The following FOCAD variants were observed in gnomAD, a reference collection of about 807,000 sequenced individuals.
FOCAD encodes the protein focadhesin.
A neutral mutation model predicts 225.6 loss-of-function variants in FOCAD; 198 were observed. The ratio of observed to expected loss-of-function variants is 0.88; its 90% CI spans 0.78 to 0.99. The LOEUF (loss-of-function observed/expected upper bound fraction) is 0.99. Among genes scored for constraint, FOCAD ranks in the 50% least tolerant of loss-of-function variants. The probability of loss-of-function intolerance (pLI) is 0.00; values close to 1 mark genes in which losing one functional copy is unlikely to be tolerated. For missense variants in FOCAD, 2,713 were observed against 2,123.6 expected, an observed-to-expected ratio of 1.28 and a Z score of -5.46; for synonymous variants, 897 against 755.0, an observed-to-expected ratio of 1.19 and a Z score of -3.08.
At chr9:20,955,480 G>A (rs1289871177) in intron 35 of FOCAD, among the ~76,000 whole-genome samples, 1 of 149,298 alleles carries the variant, frequency 6.7e-6, no homozygotes, top group Non-Finnish European at 1.5e-5. Context: ...GATTCCCTCA[G>A]TTTTTAAATA....
intron 28 of FOCAD, among the ~76,000 whole-genome samples, chr9:20,939,559 A>G (rs1044319841): frequency 6.6e-6 from 1 of 152,148 alleles, no homozygotes; most frequent in African/African-American, 2.4e-5. Context: ...ATGGGGATGA[A>G]TTACCCACCA....
At chr9:20,904,589 T>G (rs1423208996) in intron 21 of FOCAD, among the ~76,000 whole-genome samples, 2 of 152,036 alleles carry the variant, frequency 1.3e-5, no homozygotes, top group Non-Finnish European at 2.9e-5. Context: ...ATTCACTGCC[T>G]CTTACACATT....
intron 4 of FOCAD, among the ~76,000 whole-genome samples, chr9:20,720,752 T>A (rs1404180809): frequency 2.6e-5 from 4 of 152,190 alleles, no homozygotes; most frequent in Admixed American, 2.6e-4. Context: ...GTTTTGGGGC[T>A]CTACTTAAAT....
chr9:20,796,305 T>G (rs1821098926), intron 11 of FOCAD, among the ~76,000 whole-genome samples: 1 of 152,218 alleles, frequency 6.6e-6, no homozygotes, highest in African/African-American at 2.4e-5. Flanking sequence ...AGCAGCATGA[T>G]TTATAAACCT....
intron 5 of FOCAD, among the ~76,000 whole-genome samples, chr9:20,754,824 GTGGTAAGAC>G (rs1426579518): frequency 2.0e-5 from 3 of 152,146 alleles, no homozygotes; most frequent in Non-Finnish European, 4.4e-5. Context: ...AATGTCAGTA[GTGGTAAGAC>G]TGAGAAACTC....
intron 5 of FOCAD, among the ~76,000 whole-genome samples, chr9:20,744,155 G>A (rs1029012668): frequency 6.6e-6 from 1 of 152,190 alleles, no homozygotes; most frequent in Non-Finnish European, 1.5e-5. Context: ...TCAGACGGTG[G>A]GTGGGTGGTT....
intron 29 of FOCAD, 122 bp downstream of exon 29, chr9:20,944,896 C>T (rs764406195): frequency 9.2e-7 from 1 of 1,085,628 alleles, no homozygotes; most frequent in Admixed American, 2.9e-5. Context: ...AAGAGAAAAT[C>T]TGAATGACAA....
At chr9:20,742,547 C>G (rs1827721269) in intron 5 of FOCAD, among the ~76,000 whole-genome samples, 1 of 152,110 alleles carries the variant, frequency 6.6e-6, no homozygotes, top group Non-Finnish European at 1.5e-5. Flanking sequence ...TCTAAGAGTG[C>G]CAGAGTCAGA....
intron 18 of FOCAD, among the ~76,000 whole-genome samples, chr9:20,868,173 G>A (rs2383155): frequency 0.89 from 134,666 of 152,090 alleles, 59,764 homozygotes; most frequent in African/African-American, 0.93. Flanking sequence ...TTTAAAACAG[G>A]AAAGAAAAAG....
chr9:20,768,688 A>C (rs1412517623), intron 7 of FOCAD, among the ~76,000 whole-genome samples: 2 of 152,200 alleles, frequency 1.3e-5, no homozygotes, highest in Non-Finnish European at 2.9e-5. Context: ...CTTTAGAAAT[A>C]ACCATGCAAC....
intron 10 of FOCAD, among the ~76,000 whole-genome samples, chr9:20,786,189 T>C (rs1819904494): frequency 6.6e-6 from 1 of 152,200 alleles, no homozygotes; most frequent in Admixed American, 6.5e-5. Context: ...CAATATTTTA[T>C]CATCTTTGTG....
At chr9:20,787,022 G>C (rs1819990984) in intron 10 of FOCAD, 1 of 439,642 alleles carries the variant, frequency 2.3e-6, no homozygotes, top group African/African-American at 2.1e-5. Context: ...CCCTGGGACT[G>C]TGCCAGTGGC....
At chr9:20,764,067 C>T (rs1829848972) in intron 6 of FOCAD, among the ~76,000 whole-genome samples, 2 of 152,054 alleles carry the variant, frequency 1.3e-5, no homozygotes, top group South Asian at 4.1e-4. Context: ...ACATAACATG[C>T]AGTAACTTGA....
At chr9:20,932,350 G>T (rs140863081) in intron 27 of FOCAD, among the ~76,000 whole-genome samples, 2 of 152,120 alleles carry the variant, frequency 1.3e-5, no homozygotes, top group Non-Finnish European at 2.9e-5. Flanking sequence ...GAGTTAAGAC[G>T]TAGGAACCTG....
At chr9:20,857,859 G>C (rs1828357328) in intron 15 of FOCAD, among the ~76,000 whole-genome samples, 1 of 148,730 alleles carries the variant, frequency 6.7e-6, no homozygotes, top group South Asian at 2.1e-4. Context: ...TGATCATATG[G>C]TCTTTGTCCT....
At chr9:20,774,967 C>G (rs761317907) in intron 8 of FOCAD, among the ~76,000 whole-genome samples, 17 of 152,136 alleles carry the variant, frequency 1.1e-4, no homozygotes, top group Non-Finnish European at 2.4e-4. Flanking sequence ...TGAACATATG[C>G]TATAGGTCTA....
At chr9:20,758,041 T>A in intron 5 of FOCAD, 49 bp from the exon 6 acceptor site, 1 of 1,250,870 alleles carries the variant, frequency 8.0e-7, no homozygotes, top group Non-Finnish European at 1.1e-6. Context: ...ATATTGAAAA[T>A]GTGTAGTCCT....
chr9:20,860,458 G>C (rs181020749), intron 15 of FOCAD, among the ~76,000 whole-genome samples: 3 of 152,232 alleles, frequency 2.0e-5, no homozygotes, highest in African/African-American at 7.2e-5. Context: ...ATAGTGCAAA[G>C]CTCTCTTATT....
chr9:20,933,877 AT>A (rs1319962562), intron 28 of FOCAD, among the ~76,000 whole-genome samples: 13 of 144,724 alleles, frequency 9.0e-5, no homozygotes, highest in Admixed American at 2.1e-4. Context: ...ACCAACATCT[AT>A]TTTTTTTTTA....
Sources: allele counts gnomAD v4.1 joint callset (sites outside exome capture counted in the v4.1 genomes callset), GRCh38; gene constraint gnomAD v4.1.1; transcripts MANE v1.5; gene names NCBI Gene and HGNC (gene_info 2026-07-23, HGNC 2026-07-21).